Variants in RP1L1 observed in about 807,000 individuals in gnomAD.
RP1L1 encodes the protein RP1 like 1.
RP1L1 carries 27 observed loss-of-function variants against 15.7 expected under a neutral mutation model. That is an observed-to-expected ratio of 1.72 (90% CI 1.27 to 2.38). The LOEUF (loss-of-function observed/expected upper bound fraction) is 2.38, where lower values mean the gene tolerates loss of function less well. Ranked by LOEUF, RP1L1 falls within the 30% of genes most tolerant of loss-of-function variation. RP1L1 has a pLI of 0.00. For missense variants in RP1L1, 4,798 were observed against 3,075.9 expected (o/e 1.56, Z -13.24); for synonymous variants, 1,813 against 1,276.7 (o/e 1.42, Z -8.96).
chr8:10,622,874 G>C lies in RP1L1; in HGVS notation c.328C>G (p.Pro110Ala), dbSNP rs773440242. 1.2e-6 allele frequency: 2 copies of C among 1,613,388 alleles called. No individual in the cohort carries two copies. Among genetic ancestry groups the C allele is most frequent in the East Asian group, 4.5e-5 (2 of 44,844 alleles). ...CGGCCTGGTCCACTGGGGGTCTTGG[G>C]GGGCTTCTTATCAGAGCAGAGGTAG... ...GCYLCSDKKP[P>A]KTPSGPGRPQ... The change falls in exon 2 of 4, where the codon CCC becomes GCC. Residue 110 changes from proline to alanine, a missense_variant. Coordinates refer to ENST00000382483, the MANE Select transcript of RP1L1 (RefSeq NM_178857.6).
At chr8:10,635,519 C>A (rs1286282848) in intron 1 of RP1L1, among the ~76,000 whole-genome samples, 1 of 152,220 alleles carries the variant, frequency 6.6e-6, no homozygotes, top group Non-Finnish European at 1.5e-5. Context: ...TATGGAATAC[C>A]TACTGAGACT....
chr8:10,647,646 C>T (rs1388302417), intron 1 of RP1L1, among the ~76,000 whole-genome samples: 2 of 152,226 alleles, frequency 1.3e-5, no homozygotes, highest in African/African-American at 2.4e-5. Flanking sequence ...AACATTTCAA[C>T]GTGTTGCAGC....
chr8:10,621,712 G>T (rs559169643), intron 2 of RP1L1: 3 of 503,130 alleles, frequency 6.0e-6, no homozygotes, highest in African/African-American at 5.8e-5. Context: ...TGTGAATTAG[G>T]TCAGTCAACC....
At chr8:10,620,078 G>C (rs1798034570) in intron 2 of RP1L1, among the ~76,000 whole-genome samples, 1 of 152,070 alleles carries the variant, frequency 6.6e-6, no homozygotes, top group Non-Finnish European at 1.5e-5. Flanking sequence ...TGTTTCTCTG[G>C]CGACTAAGAC....
At chr8:10,642,368 C>A (rs890760267) in intron 1 of RP1L1, among the ~76,000 whole-genome samples, 1 of 152,112 alleles carries the variant, frequency 6.6e-6, no homozygotes, top group Non-Finnish European at 1.5e-5. Flanking sequence ...ATTAACCGGA[C>A]GTCATTTTGA....
At chr8:10,616,882 A>G (rs970295182) in intron 2 of RP1L1, among the ~76,000 whole-genome samples, 6 of 152,198 alleles carry the variant, frequency 3.9e-5, no homozygotes, top group Non-Finnish European at 8.8e-5. Flanking sequence ...AGACTTCTGT[A>G]GGCCGCATTT....
chr8:10,618,563 G>A (rs1798008400), intron 2 of RP1L1, among the ~76,000 whole-genome samples: 1 of 152,098 alleles, frequency 6.6e-6, no homozygotes, highest in African/African-American at 2.4e-5. Context: ...ATAGTGGCAT[G>A]TGCCTGTAGT....
At chr8:10,627,345 A>C (rs1205771656) in intron 1 of RP1L1, among the ~76,000 whole-genome samples, 1 of 152,208 alleles carries the variant, frequency 6.6e-6, no homozygotes, top group Non-Finnish European at 1.5e-5. Context: ...ACATGGATGA[A>C]CCTTGAAGAC....
At chr8:10,653,222 A>G (rs1214360959) in intron 1 of RP1L1, among the ~76,000 whole-genome samples, 4 of 152,228 alleles carry the variant, frequency 2.6e-5, no homozygotes, top group Non-Finnish European at 5.9e-5. Context: ...TGCGTTTTAC[A>G]GGGAAAGGTT....
chr8:10,640,906 G>A (rs553566243), intron 1 of RP1L1, among the ~76,000 whole-genome samples: 8 of 152,076 alleles, frequency 5.3e-5, no homozygotes, highest in Middle Eastern at 3.4e-3. Context: ...GAATAACTGG[G>A]ACTATAGGTG....
At position 10,609,139 on chromosome 8, in the gene RP1L1, C is replaced by T. The variant is rs995765249; in HGVS notation, c.4959G>A (p.Gly1653=). The change falls in exon 4 of 4, where the codon GGG becomes GGA. Residue 1653 remains glycine, a synonymous_variant. Transcript: ENST00000382483. The part of the protein sequence containing the change: ...LGSQLGEEAE[G]EEFCPCEACV... The stretch of plus-strand genomic sequence containing the variant: ...AGGCCTCGCAGGGACAGAACTCCTC[C>T]CCCTCCGCCTCCTCGCCCAGCTGGC... 3.7e-6 allele frequency: 6 copies of T among 1,613,430 alleles called. No homozygotes were observed. The highest frequency in any genetic ancestry group is 2.5e-6 in the Non-Finnish European group (3 of 1,179,838).
intron 1 of RP1L1, among the ~76,000 whole-genome samples, chr8:10,642,693 C>T (rs974695050): frequency 6.6e-6 from 1 of 152,166 alleles, no homozygotes; most frequent in African/African-American, 2.4e-5. Context: ...TGCTTCATTT[C>T]CCCATGCCCA....
Position 10,610,338 on chromosome 8 carries a change from G to A in RP1L1, c.3760C>T (p.Gln1254Ter), listed in dbSNP as rs752101646. Reference protein sequence around the residue: ...YESPGDLENQQQCCFPTFLNA... With the variant: ...YESPGDLENQ ...AAGAAGGTTGGGAAACAACACTGCT[G>A]TTGGTTTTCCAGATCCCCTGGGCTC... is the stretch of plus-strand genomic sequence containing the variant. Residue 1254 changes from glutamine to a stop codon, truncating the protein, a stop_gained, in exon 4 of 4, where the codon CAG (glutamine) becomes TAG (stop). Coordinates refer to ENST00000382483, the MANE Select transcript of RP1L1 (RefSeq NM_178857.6). LOFTEE classifies it low-confidence loss of function (END_TRUNC). 3.1e-6 allele frequency: 5 copies of A among 1,614,090 alleles called. No homozygotes were observed. Among genetic ancestry groups the A allele is most frequent in the African/African-American group, 1.3e-5 (1 of 74,934 alleles).
In RP1L1 at chr8:10,638,671, T is replaced by C. The variant is rs115774660; in HGVS notation, c.-19-15451A>G. 1.7e-3 allele frequency among the ~76,000 whole-genome samples: 253 copies of C among 152,314 alleles called. 2 individuals carry two copies. The highest frequency in any genetic ancestry group is 4.6e-3 in the African/African-American group (192 of 41,572). ...ATATACTGGACACTCTAGTTAAGTA[T>C]AGCTCAGCTGATTTTTCCTGCAAAG... On this transcript the variant is annotated intron_variant, in intron 1 of 3. Coordinates refer to ENST00000382483, the MANE Select transcript of RP1L1 (RefSeq NM_178857.6).
chr8:10,616,608 G>C (rs1232221964), intron 2 of RP1L1, 21 bp from the exon 3 acceptor site: 2 of 1,604,260 alleles, frequency 1.2e-6, no homozygotes, highest in Non-Finnish European at 1.7e-6. Flanking sequence ...AGCGGGCGGG[G>C]TCAGGAGGCC....
In RP1L1 at chr8:10,613,021, C is replaced by T. The variant is rs894695633; in HGVS notation, c.1077G>A (p.Leu359=). ...LTAASGEDPV[L]GEVDPLCCVW... Reference sequence around the variant, plus strand: ...CACAGCAGAGGGGGTCTACCTCCCCCAGAACGGGGTCTTCCCCACTGGCTG... The same window carrying T: ...CACAGCAGAGGGGGTCTACCTCCCCTAGAACGGGGTCTTCCCCACTGGCTG... The change falls in exon 4 of 4, where the codon CTG becomes CTA. Residue 359 remains leucine (L), a synonymous_variant. Coordinates refer to ENST00000382483, the MANE Select transcript of RP1L1 (RefSeq NM_178857.6). 3.1e-6 allele frequency: 5 copies of T among 1,613,410 alleles called. No individual in the cohort carries two copies. The African/African-American group carries it at 4.0e-5, about 13-fold the overall frequency.
chr8:10,618,219 G>A (rs1798001725), intron 2 of RP1L1, among the ~76,000 whole-genome samples: 1 of 152,194 alleles, frequency 6.6e-6, no homozygotes, highest in Non-Finnish European at 1.5e-5. Flanking sequence ...TCAGCTACCA[G>A]CCAGATGCAG....
intron 2 of RP1L1, among the ~76,000 whole-genome samples, chr8:10,618,289 C>A (rs1197129083): frequency 6.6e-6 from 1 of 152,066 alleles, no homozygotes; most frequent in African/African-American, 2.4e-5. Flanking sequence ...CCCTGGAGCC[C>A]AGGAGTTTGA....
At position 10,616,589 on chromosome 8, in the gene RP1L1, T is replaced by G; in HGVS notation, c.610-2A>C. ...CAGCAGGGCCTGCAGCGAGTCCACC[T>G]GAGGGAGGAGCGGGCGGGGTCAGGA... On this transcript the variant is annotated splice_acceptor_variant, in intron 2 of 3. Transcript: ENST00000382483. LOFTEE classifies it high-confidence loss of function. 1.2e-6 allele frequency: 2 copies of G among 1,610,674 alleles called. No individual in the cohort carries two copies. Among genetic ancestry groups the G allele is most frequent in the South Asian group, 2.2e-5 (2 of 91,066 alleles).
Sources: gnomAD v4.1 joint callset for allele counts (sites outside exome capture counted in the v4.1 genomes callset) on GRCh38, gnomAD v4.1.1 for gene constraint, MANE v1.5 for transcripts, NCBI Gene and HGNC (gene_info 2026-07-23, HGNC 2026-07-21) for gene names.